PACS1: variants seen among roughly 807,000 people sequenced by gnomAD.
PACS1 encodes phosphofurin acidic cluster sorting protein 1, also known as PACS-1.
PACS1 carries 24 observed loss-of-function variants against 115.0 expected under a neutral mutation model. The ratio of observed to expected loss-of-function variants is 0.21; its 90% CI spans 0.15 to 0.29. The LOEUF is 0.29. Among genes scored for constraint, PACS1 ranks in the 10% least tolerant of loss-of-function variants. PACS1 has a pLI of 1.00. For synonymous variants in PACS1, 453 were observed against 504.5 expected (o/e 0.90, Z 1.37); for missense variants, 838 against 1,251.2 (o/e 0.67, Z 4.98).
At chr11:66,225,777 C>T (rs1021066527) in intron 10 of PACS1, among the ~76,000 whole-genome samples, 5 of 152,166 alleles carry the variant, frequency 3.3e-5, no homozygotes, top group Non-Finnish European at 5.9e-5. Flanking sequence ...CTCTTTAAAA[C>T]GCGTTTAATT....
At chr11:66,120,333 G>A (rs2134560485) in intron 1 of PACS1, among the ~76,000 whole-genome samples, 1 of 152,186 alleles carries the variant, frequency 6.6e-6, no homozygotes, top group South Asian at 2.1e-4. Flanking sequence ...CTGACCTCAA[G>A]TGATCCACCT....
Position 66,101,194 on chromosome 11 carries a change from A to G in PACS1, c.356+30352A>G, listed in dbSNP as rs74235289. On this transcript the variant is annotated intron_variant, in intron 1 of 23. Transcript: ENST00000320580. ...TCAGTATTTTTAATTCATTTTTTTT[A>G]AAAGTTTTAAACACTTACATCTACT... 2.0e-5 allele frequency among the ~76,000 whole-genome samples: 3 copies of G among 152,248 alleles called. 1 individual carries two copies. The highest frequency in any genetic ancestry group is 2.0e-4 in the Admixed American group (3 of 15,288).
intron 2 of PACS1, among the ~76,000 whole-genome samples, chr11:66,205,097 A>T (rs1185163226): frequency 6.6e-6 from 1 of 151,720 alleles, no homozygotes; most frequent in Non-Finnish European, 1.5e-5. Flanking sequence ...CGATTCTCCT[A>T]CCTCAGCCTC....
At chr11:66,232,493 C>T (rs1199121984) in intron 14 of PACS1, among the ~76,000 whole-genome samples, 2 of 152,184 alleles carry the variant, frequency 1.3e-5, no homozygotes, top group Admixed American at 1.3e-4. Flanking sequence ...GTTTGCTCTA[C>T]CTCAGCTTCC....
In PACS1 at chr11:66,235,288, G is replaced by A; in HGVS notation, c.2105-13G>A. On this transcript the variant is annotated splice_polypyrimidine_tract_variant and intron_variant, in intron 17 of 23. Coordinates refer to ENST00000320580, the MANE Select transcript of PACS1 (RefSeq NM_018026.4). This position sits in a 1 kb window ranked among gnomAD's most constrained non-coding sequence, Gnocchi z 5.6. ...GTCAGTAGGCAGTTAGTGATCTCTT[G>A]GCTTTTCTGCAGAGCAACTGGACGT... 3 of 1,609,234 alleles carry A rather than the reference G, an allele frequency of 1.9e-6. No individual in the cohort carries two copies. In the South Asian group the frequency reaches 3.3e-5, roughly 18 times the overall value.
intron 1 of PACS1, among the ~76,000 whole-genome samples, chr11:66,151,306 C>T (rs575273754): frequency 5.9e-5 from 9 of 151,910 alleles, no homozygotes; most frequent in South Asian, 2.1e-4. Flanking sequence ...CTGTGAGCAG[C>T]GAAGCAGTGG....
chr11:66,179,885 T>G (rs56285664), intron 1 of PACS1, among the ~76,000 whole-genome samples: 40,293 of 152,146 alleles, frequency 0.26, 6,057 homozygotes, highest in South Asian at 0.46. Context: ...AGAGTCTCCC[T>G]CTTTTGCCCA....
At chr11:66,232,871 C>G (rs774735263) in intron 14 of PACS1, 89 bp from the exon 15 acceptor site, 5 of 950,670 alleles carry the variant, frequency 5.3e-6, no homozygotes, top group Non-Finnish European at 8.3e-6. Context: ...GGCCCTGCAG[C>G]TCGGTCTGGG....
At chr11:66,112,339 G>GCTCA (rs1271339447) in intron 1 of PACS1, among the ~76,000 whole-genome samples, 2 of 152,106 alleles carry the variant, frequency 1.3e-5, no homozygotes, top group Non-Finnish European at 2.9e-5. Flanking sequence ...GATAGGAGAG[G>GCTCA]CTCAGTCTCT....
At chr11:66,241,688 C>A in intron 22 of PACS1, 35 bp downstream of exon 22, 1 of 1,525,540 alleles carries the variant, frequency 6.6e-7, no homozygotes, top group Non-Finnish European at 9.1e-7. Context: ...GACCATGGGC[C>A]ACCAGGCCTC....
chr11:66,110,280 G>T (rs1177708949), intron 1 of PACS1, among the ~76,000 whole-genome samples: 12 of 151,760 alleles, frequency 7.9e-5, no homozygotes, highest in Admixed American at 7.9e-4. Context: ...CATATCAAAT[G>T]TCTCCTGATT....
chr11:66,144,786 A>G (rs1391260054), intron 1 of PACS1, among the ~76,000 whole-genome samples: 1 of 152,192 alleles, frequency 6.6e-6, no homozygotes, highest in Non-Finnish European at 1.5e-5. Context: ...GGCATGCACC[A>G]CGACGCCCAG....
intron 1 of PACS1, among the ~76,000 whole-genome samples, chr11:66,155,734 A>G (rs1303215111): frequency 6.6e-6 from 1 of 152,144 alleles, no homozygotes; most frequent in Non-Finnish European, 1.5e-5. Flanking sequence ...ATGCCTAGAT[A>G]TTTATCTGAG....
chr11:66,180,643 G>A (rs777843212), intron 1 of PACS1, among the ~76,000 whole-genome samples: 4 of 150,908 alleles, frequency 2.7e-5, no homozygotes, highest in South Asian at 2.1e-4. Context: ...GTGCGCCACC[G>A]CACCCAGCCT....
At chr11:66,168,369 G>C (rs1341355912) in intron 1 of PACS1, among the ~76,000 whole-genome samples, 1 of 150,620 alleles carries the variant, frequency 6.6e-6, no homozygotes, top group Non-Finnish European at 1.5e-5. Flanking sequence ...AATGACATTT[G>C]TATACGTACA....
intron 1 of PACS1, among the ~76,000 whole-genome samples, chr11:66,079,915 C>A (rs954886811): frequency 8.5e-5 from 13 of 152,212 alleles, no homozygotes; most frequent in Admixed American, 5.9e-4. Context: ...TTGCTGTTCC[C>A]TCTACCTGTG....
At chr11:66,197,994 A>G (rs1854686839) in intron 2 of PACS1, among the ~76,000 whole-genome samples, 1 of 152,224 alleles carries the variant, frequency 6.6e-6, no homozygotes, top group Admixed American at 6.5e-5. Context: ...CATTAAAAAG[A>G]TTTACAGAAA....
chr11:66,096,584 A>G (rs1181906450), intron 1 of PACS1, among the ~76,000 whole-genome samples: 11 of 149,794 alleles, frequency 7.3e-5, no homozygotes, highest in Non-Finnish European at 4.4e-5. Context: ...GCTCACTGCA[A>G]CCTCTGCCTC....
chr11:66,148,695 G>T (rs1565124727), intron 1 of PACS1, among the ~76,000 whole-genome samples: 1 of 152,160 alleles, frequency 6.6e-6, no homozygotes, highest in South Asian at 2.1e-4. Flanking sequence ...GGAGGCCAAG[G>T]AGGGCGGATC....
Sources: gnomAD v4.1 joint callset for allele counts (sites outside exome capture counted in the v4.1 genomes callset) on GRCh38, gnomAD v4.1.1 for gene constraint, Gnocchi (gnomAD v3.1) non-coding constraint, MANE v1.5 for transcripts, NCBI Gene and HGNC (gene_info 2026-07-23, HGNC 2026-07-21) for gene names.